The following CIRBP variants were observed in gnomAD, a reference collection of about 807,000 sequenced individuals.
CIRBP encodes cold-inducible RNA-binding protein.
Under a neutral mutation model 22.3 loss-of-function variants are expected in CIRBP, and 11 were observed. The observed-to-expected ratio is 0.49, with a 90% CI of 0.31 to 0.82. The LOEUF is 0.82. CIRBP is among the 40% of genes least tolerant of loss of function. The pLI is 0.05. For synonymous variants in CIRBP, 216 were observed against 158.8 expected (o/e 1.36, Z -2.71); for missense variants, 456 against 402.7 (o/e 1.13, Z -1.13).
Position 1,271,262 on chromosome 19 carries a change from C to G in CIRBP, c.210+16C>G. On this transcript the variant is annotated intron_variant, in intron 3 of 5. Transcript: ENST00000587896. The stretch of plus-strand genomic sequence containing the variant: ...GAATGGGAAGGTGAGGATCAGGGTG[C>G]TGAGCAGGAGTCCCGTCTCGAGGAT... The G allele has an allele frequency of 6.2e-7, 1 of 1,613,952 alleles. No individual in the cohort carries two copies. The highest frequency in any genetic ancestry group is 8.5e-7 in the Non-Finnish European group (1 of 1,179,944).
chr19:1,271,127 C>T lies in CIRBP; in HGVS notation c.104-13C>T, dbSNP rs2081332563. The T allele has an allele frequency of 3.7e-6, 6 of 1,612,876 alleles. No individual in the cohort carries two copies. The highest frequency in any genetic ancestry group is 2.2e-5 in the East Asian group (1 of 44,884). On this transcript the variant is annotated splice_polypyrimidine_tract_variant and intron_variant, in intron 2 of 5. Coordinates refer to ENST00000587896, the MANE Select transcript of CIRBP (RefSeq NM_001300829.2). ...AGCTGGGTGCTGACTGCAGACCTCT[C>T]TCCCCTGCACAGTGGTGGTTGTGAA...
Position 1,272,478 on chromosome 19 carries a change from C to A in CIRBP, c.*35C>A. On this transcript the variant is annotated 3_prime_UTR_variant, in exon 6 of 6. Coordinates refer to ENST00000587896, the MANE Select transcript of CIRBP (RefSeq NM_001300829.2). ...CTGCTCAAGATCGTCCTTCCAATGG[C>A]TGTGTGTTTAAAGATTGTGGGAGCT... 6.7e-7 allele frequency: 1 copy of A among 1,482,560 alleles called. No homozygotes were observed. Among genetic ancestry groups the A allele is most frequent in the Non-Finnish European group, 9.1e-7 (1 of 1,101,162 alleles). 91.8% of individuals were successfully genotyped at this position (1,482,560 alleles called of 1,614,324 possible).
In CIRBP at chr19:1,272,001, A is replaced by G. The variant is rs759604030; in HGVS notation, c.452A>G (p.Tyr151Cys). The part of the protein sequence containing the change: ...YYSSRSQSGG[Y>C]SDRSSGGSYR... ...TGCAGCCGGAGTCAGAGTGGTGGCT[A>G]CAGTGACCGGAGCTCGGGCGGGTCC... Residue 151 changes from tyrosine (Y) to cysteine (C), a missense_variant, in exon 6 of 6, where the codon TAC becomes TGC. Around this residue, in one of 2 missense-constraint regions of CIRBP, gnomAD observed 426 missense variants for 339.6 expected, o/e 1.25. Transcript: ENST00000587896. 2 of 1,611,668 alleles carry G rather than the reference A, an allele frequency of 1.2e-6. No individual in the cohort carries two copies. The highest frequency in any genetic ancestry group is 1.7e-6 in the Non-Finnish European group (2 of 1,178,010).
intron 1 of CIRBP, chr19:1,269,777 T>TC (rs756606598): frequency 2.1e-6 from 1 of 478,932 alleles, no homozygotes; most frequent in South Asian, 1.5e-5. Context: ...AGGGCCGCTT[T>TC]CCCGGCCTTG....
At position 1,271,634 on chromosome 19, in the gene CIRBP, TG is replaced by T; in HGVS notation, c.431+3del. 1 of 1,495,210 alleles carries T rather than the reference TG, an allele frequency of 6.7e-7. No homozygotes were observed. The highest frequency in any genetic ancestry group is 9.1e-7 in the Non-Finnish European group (1 of 1,100,576). 92.6% of individuals were successfully genotyped at this position (1,495,210 alleles called of 1,614,324 possible). A position where few individuals can be genotyped will look rare whatever the true frequency, so the allele number is the denominator to read the frequency against. ...AGGCTCCAGAGACTACTATAGCAGG[TG>T]AGGGGGAGGCCGGCCCAAGCACAGG... On this transcript the variant is annotated splice_donor_region_variant and intron_variant, in intron 5 of 5. Transcript: ENST00000587896.
chr19:1,272,148 G>A lies in CIRBP; in HGVS notation c.599G>A (p.Arg200Lys), dbSNP rs773439246. The change falls in exon 6 of 6, where the codon AGA (arginine) becomes AAA (lysine). Residue 200 changes from arginine (R) to lysine (K), a missense_variant. Transcript: ENST00000587896. The stretch of plus-strand genomic sequence containing the variant: ...CCAAGCACTTTAGGCTGGACACTCA[G>A]ACCTTGTCACTGTGCTTGCCCAGAA... The part of the protein sequence containing the change: ...PSPSTLGWTL[R>K]PCHCACPEEA... 1.2e-6 allele frequency: 2 copies of A among 1,611,794 alleles called. No homozygotes were observed. The highest frequency in any genetic ancestry group is 1.7e-6 in the Non-Finnish European group (2 of 1,179,412).
rs755573062 is a variant in CIRBP at position 1,271,217 on chromosome 19, A to G, written c.181A>G (p.Lys61Glu). ...CACCTTTGAGAACATTGACGACGCT[A>G]AGGATGCCATGATGGCCATGAATGG... The part of the protein sequence containing the change: ...FVTFENIDDA[K>E]DAMMAMNGKS... Residue 61 changes from lysine (K) to glutamate (E), a missense_variant, in exon 3 of 6, where the codon AAG becomes GAG. Around this residue, in one of 2 missense-constraint regions of CIRBP, gnomAD observed 426 missense variants for 339.6 expected, o/e 1.25. Transcript: ENST00000587896. 1.2e-6 allele frequency: 2 copies of G among 1,613,908 alleles called. No individual in the cohort carries two copies. Among genetic ancestry groups the G allele is most frequent in the African/African-American group, 2.7e-5 (2 of 74,928 alleles).
chr19:1,271,722 G>C, intron 5 of CIRBP, 90 bp downstream of exon 5: 1 of 876,864 alleles, frequency 1.1e-6, no homozygotes. Context: ...GCTGAGATGA[G>C]ACTGGCTGGG....
chr19:1,272,308 C>G lies in CIRBP; in HGVS notation c.759C>G (p.Ser253=). 2 of 1,613,770 alleles carry G rather than the reference C, an allele frequency of 1.2e-6. No individual in the cohort carries two copies. Among genetic ancestry groups the G allele is most frequent in the Non-Finnish European group, 1.7e-6 (2 of 1,179,926 alleles). ...GCATGTGTGGCCGCAGGCCAGCCTC[C>G]CTCGGCTGTGGGGGGTGGTTGCTCC... ...ARCMCGRRPA[S]LGCGGWLLPG... Residue 253 remains serine, a synonymous_variant, in exon 6 of 6, where the codon TCC becomes TCG. Transcript: ENST00000587896.
In CIRBP at chr19:1,271,600, G is replaced by A. The variant is rs1465853542; in HGVS notation, c.399G>A (p.Gly133=). 6.4e-7 allele frequency: 1 copy of A among 1,561,970 alleles called. No homozygotes were observed. Among genetic ancestry groups the A allele is most frequent in the South Asian group, 1.2e-5 (1 of 85,362 alleles). Residue 133 remains glycine (G), a synonymous_variant, in exon 5 of 6, where the codon GGG becomes GGA. Transcript: ENST00000587896. The part of the protein sequence containing the change: ...YGGNRFESRS[G]GYGGSRDYYS... Reference sequence around the variant, plus strand: ...GGAACCGGTTCGAGTCCAGGAGTGGGGGCTACGGAGGCTCCAGAGACTACT... The same window carrying A: ...GGAACCGGTTCGAGTCCAGGAGTGGAGGCTACGGAGGCTCCAGAGACTACT...
In CIRBP at chr19:1,272,651, T is replaced by C; in HGVS notation, c.*208T>C. 1 of 438,040 alleles carries C rather than the reference T, an allele frequency of 2.3e-6. No individual in the cohort carries two copies. 27.1% of individuals were successfully genotyped at this position (438,040 alleles called of 1,614,324 possible). A position where few individuals can be genotyped will look rare whatever the true frequency, so the allele number is the denominator to read the frequency against. ...ACTTTTCTTTTTAAGGAAGTGCTGT[T>C]TTTTTTTGAGGGTTTTCAAAACATT... On this transcript the variant is annotated 3_prime_UTR_variant, in exon 6 of 6. Transcript: ENST00000587896.
intron 1 of CIRBP, among the ~76,000 whole-genome samples, chr19:1,270,657 C>T (rs1245687192): frequency 1.3e-5 from 2 of 152,050 alleles, no homozygotes; most frequent in Non-Finnish European, 2.9e-5. Flanking sequence ...CCTACAGTCC[C>T]AGTTTCTTGG....
chr19:1,270,194 A>T, intron 1 of CIRBP: 1 of 467,170 alleles, frequency 2.1e-6, no homozygotes, highest in Non-Finnish European at 4.3e-6. Context: ...ACCTGCCCTG[A>T]GGTGCCCCCC....
In CIRBP at chr19:1,272,218, A is replaced by G. The variant is rs768121384; in HGVS notation, c.669A>G (p.Gln223=). 15 of 1,595,606 alleles carry G rather than the reference A, an allele frequency of 9.4e-6. No homozygotes were observed. The African/African-American group carries it at 1.5e-4, about 16-fold the overall frequency. Residue 223 remains glutamine, a synonymous_variant, in exon 6 of 6, where the codon CAA becomes CAG. Transcript: ENST00000587896. ...AGAGCCATTTCTATCGCAGGACGCAAAAGCCAAATGAGACTGACCAAAAAG... is the reference window on the plus strand; with the variant it reads ...AGAGCCATTTCTATCGCAGGACGCAGAAGCCAAATGAGACTGACCAAAAAG... ...SSQSHFYRRT[Q]KPNETDQKGK...
rs1301057841 is a variant in CIRBP, at chr19:1,272,836, TCGAA to T, written c.*396_*399del. 3.0e-5 allele frequency: 5 copies of T among 164,368 alleles called. No individual in the cohort carries two copies. Among genetic ancestry groups the T allele is most frequent in the East Asian group, 3.6e-4 (2 of 5,534 alleles). The allele number at this position is 164,368 out of a possible 1,614,324, so 10.2% of individuals were successfully genotyped here. On this transcript the variant is annotated 3_prime_UTR_variant, in exon 6 of 6. Transcript: ENST00000587896. ...GGGTGCCCCACTCACTTCTCTGAGA[TCGAA>T]CGGACTGTGAATCCGCTCTTTGTCG...
chr19:1,271,818 A>T, intron 5 of CIRBP, 163 bp from the exon 6 acceptor site: 1 of 724,414 alleles, frequency 1.4e-6, no homozygotes, highest in Non-Finnish European at 2.3e-6. Flanking sequence ...CCTGGGGGAC[A>T]GGCTGGTGGA....
intron 1 of CIRBP, chr19:1,269,747 A>G (rs1020136475): frequency 5.1e-5 from 20 of 394,744 alleles, no homozygotes; most frequent in South Asian, 3.6e-5. Flanking sequence ...GGGCGGGGCC[A>G]CGTGGCGCCC....
chr19:1,272,623 TA>T lies in CIRBP; in HGVS notation c.*181del. 2.0e-6 allele frequency: 1 copy of T among 509,780 alleles called. No individual in the cohort carries two copies. Among genetic ancestry groups the T allele is most frequent in the Non-Finnish European group, 3.5e-6 (1 of 285,942 alleles). 31.6% of individuals were successfully genotyped at this position (509,780 alleles called of 1,614,324 possible). On this transcript the variant is annotated 3_prime_UTR_variant, in exon 6 of 6. Transcript: ENST00000587896. ...TCTGACGCCGGGATGGCCTCGTTAC[TA>T]GACTTTTCTTTTTAAGGAAGTGCTG...
chr19:1,271,710 G>C (rs1168518619), intron 5 of CIRBP, 78 bp downstream of exon 5: 1 of 937,690 alleles, frequency 1.1e-6, no homozygotes, highest in African/African-American at 1.7e-5. Context: ...GTCCCTGGGG[G>C]AGCTGAGATG....
Sources: allele counts gnomAD v4.1 joint callset (sites outside exome capture counted in the v4.1 genomes callset), GRCh38; gene constraint gnomAD v4.1.1; regional missense constraint gnomAD v4.1.1; transcripts MANE v1.5; gene names NCBI Gene and HGNC (gene_info 2026-07-23, HGNC 2026-07-21).